Variants in CR1 observed in about 807,000 individuals in gnomAD.
CR1 encodes the protein complement C3b/C4b receptor 1 (Knops blood group).
In CR1, 116 loss-of-function variants were observed where a neutral mutation model predicts 187.3. That is an observed-to-expected ratio of 0.62 (90% CI 0.53 to 0.72). The LOEUF (loss-of-function observed/expected upper bound fraction) is 0.72, where lower values mean the gene tolerates loss of function less well. Ranked by LOEUF, CR1 falls within the 30% of genes least tolerant of loss-of-function variation. CR1 has a pLI of 0.00. For missense variants in CR1, 1,731 were observed against 2,110.7 expected (o/e 0.82, Z 3.52); for synonymous variants, 576 against 747.1 (o/e 0.77, Z 3.73).
chr1:207,598,605 A>T (rs1383440714), intron 35 of CR1, among the ~76,000 whole-genome samples: 1 of 152,080 alleles, frequency 6.6e-6, no homozygotes, highest in Non-Finnish European at 1.5e-5. Context: ...TTTATAGTAG[A>T]GACAGGGTTT....
intron 46 of CR1, among the ~76,000 whole-genome samples, chr1:207,631,485 A>C (rs956126945): frequency 4.9e-4 from 75 of 152,286 alleles, no homozygotes; most frequent in African/African-American, 1.8e-3. Flanking sequence ...TTAGTGGAAG[A>C]CTTTGCTAAC....
chr1:207,510,026 G>C (rs1230318941), intron 3 of CR1, among the ~76,000 whole-genome samples: 1 of 152,112 alleles, frequency 6.6e-6, no homozygotes, highest in Admixed American at 6.5e-5. Flanking sequence ...TGGTCAATGT[G>C]GTGAAGCCTG....
intron 40 of CR1, among the ~76,000 whole-genome samples, chr1:207,614,894 C>T (rs954900578): frequency 1.3e-5 from 2 of 152,178 alleles, no homozygotes; most frequent in African/African-American, 2.4e-5. Context: ...ACTGCAGCCT[C>T]AACCTCCTGG....
intron 46 of CR1, among the ~76,000 whole-genome samples, chr1:207,631,797 A>G (rs1255556612): frequency 2.0e-5 from 3 of 152,238 alleles, no homozygotes; most frequent in African/African-American, 4.8e-5. Flanking sequence ...TTTCAGGAAT[A>G]AGATCACCAT....
At chr1:207,621,882 A>C (rs1662323887) in intron 43 of CR1, 91 bp from the exon 44 acceptor site, 1 of 1,061,456 alleles carries the variant, frequency 9.4e-7, no homozygotes, top group African/African-American at 1.6e-5. Context: ...GTCCTGAAGA[A>C]AAATCAGGAT....
intron 46 of CR1, among the ~76,000 whole-genome samples, chr1:207,633,353 T>C (rs1662709862): frequency 1.3e-5 from 2 of 152,338 alleles, no homozygotes; most frequent in East Asian, 3.9e-4. Context: ...ATAATCTCTA[T>C]CTAGTAGTAT....
At chr1:207,626,485 G>A (rs1402604106) in intron 45 of CR1, among the ~76,000 whole-genome samples, 1 of 152,182 alleles carries the variant, frequency 6.6e-6, no homozygotes, top group African/African-American at 2.4e-5. Flanking sequence ...AGGGCATAAA[G>A]GGCCTCATGG....
chr1:207,526,057 C>T (rs1358291325), intron 5 of CR1, among the ~76,000 whole-genome samples: 5 of 152,044 alleles, frequency 3.3e-5, no homozygotes, highest in Non-Finnish European at 7.3e-5. Context: ...AGAGAGCCAG[C>T]GCTGCCCTTA....
chr1:207,498,902 CA>C (rs1447549252), intron 1 of CR1, among the ~76,000 whole-genome samples: 6 of 66,606 alleles, frequency 9.0e-5, no homozygotes, highest in South Asian at 6.0e-4. Flanking sequence ...AAGAAACAAA[CA>C]AACAAAACAA....
chr1:207,496,279 T>C lies in CR1; in HGVS notation c.12T>C (p.Ser4=). The change falls in exon 1 of 47, where the codon TCT becomes TCC. Residue 4 remains serine, a synonymous_variant. Coordinates refer to ENST00000367049, the MANE Select transcript of CR1 (RefSeq NM_000651.6). Reference sequence around the variant, plus strand: ...TGTGCTTGGGGAGAATGGGGGCCTCTTCTCCAAGAAGCCCGGAGCCTGTCG... The same window carrying C: ...TGTGCTTGGGGAGAATGGGGGCCTCCTCTCCAAGAAGCCCGGAGCCTGTCG... MGA[S]SPRSPEPVGP... The C allele has an allele frequency of 6.2e-7, 1 of 1,613,860 alleles. No individual in the cohort carries two copies. Among genetic ancestry groups the C allele is most frequent in the Non-Finnish European group, 8.5e-7 (1 of 1,179,850 alleles).
intron 41 of CR1, 125 bp downstream of exon 41, chr1:207,616,927 C>T: frequency 7.4e-7 from 1 of 1,347,476 alleles, no homozygotes; most frequent in Admixed American, 2.6e-5. Context: ...AGAGACAGAA[C>T]TACCTCCCAA....
intron 3 of CR1, among the ~76,000 whole-genome samples, chr1:207,508,870 T>C (rs1345264085): frequency 2.0e-5 from 3 of 152,098 alleles, no homozygotes; most frequent in African/African-American, 7.2e-5. Context: ...CATGGTCCCA[T>C]ATGGAAAATA....
intron 1 of CR1, among the ~76,000 whole-genome samples, chr1:207,504,443 GACA>G (rs1277656909): frequency 6.6e-6 from 1 of 150,564 alleles, no homozygotes; most frequent in Non-Finnish European, 1.5e-5. Context: ...ATAAAAGATG[GACA>G]ACATTATAAA....
intron 35 of CR1, among the ~76,000 whole-genome samples, chr1:207,601,126 CTA>C (rs1172563260): frequency 6.6e-6 from 1 of 151,806 alleles, no homozygotes; most frequent in African/African-American, 2.4e-5. Context: ...ATAAAGAAAT[CTA>C]AAAGCAGATT....
At chr1:207,611,319 T>A (rs920240066) in intron 37 of CR1, among the ~76,000 whole-genome samples, 2 of 152,204 alleles carry the variant, frequency 1.3e-5, no homozygotes, top group African/African-American at 4.8e-5. Flanking sequence ...GCCTTACGCA[T>A]GAGCTTGAGG....
intron 33 of CR1, 96 bp downstream of exon 33, chr1:207,584,972 C>A: frequency 1.3e-6 from 2 of 1,534,214 alleles, no homozygotes; most frequent in Admixed American, 2.0e-5. Flanking sequence ...TGTTTGTGAG[C>A]TTAACTTTGT....
At chr1:207,592,806 A>C (rs1473681328) in intron 35 of CR1, among the ~76,000 whole-genome samples, 1 of 152,146 alleles carries the variant, frequency 6.6e-6, no homozygotes, top group Non-Finnish European at 1.5e-5. Context: ...ATAATAGACA[A>C]ACAGCGAGCC....
intron 43 of CR1, among the ~76,000 whole-genome samples, chr1:207,620,881 G>A (rs904307180): frequency 2.6e-5 from 4 of 152,104 alleles, no homozygotes; most frequent in African/African-American, 4.8e-5. Flanking sequence ...AGAACCAACC[G>A]TATCAAATAT....
At chr1:207,596,773 G>C (rs1661456773) in intron 35 of CR1, among the ~76,000 whole-genome samples, 2 of 147,166 alleles carry the variant, frequency 1.4e-5, no homozygotes, top group African/African-American at 5.0e-5. Flanking sequence ...ACAGGGGGAA[G>C]GTTTCATAAG....
Sources: gnomAD v4.1 joint callset for allele counts (sites outside exome capture counted in the v4.1 genomes callset) on GRCh38, gnomAD v4.1.1 for gene constraint, MANE v1.5 for transcripts, NCBI Gene and HGNC (gene_info 2026-07-23, HGNC 2026-07-21) for gene names.